The following ZNF343 variants were observed in gnomAD, a reference collection of about 807,000 sequenced individuals.
ZNF343 encodes the protein zinc finger protein 343.
ZNF343 carries 11 observed loss-of-function variants against 13.8 expected under a neutral mutation model. The observed-to-expected ratio is 0.80, with a 90% confidence interval of 0.50 to 1.32. The LOEUF is 1.32. ZNF343 is among the 40% of genes most tolerant of loss of function. ZNF343 has a pLI of 0.00. For synonymous variants in ZNF343, 248 were observed against 260.0 expected (o/e 0.95, Z 0.44); for missense variants, 658 against 714.2 (o/e 0.92, Z 0.90).
chr20:2,523,979 CAAAA>C (rs56321237), intron 1 of ZNF343, among the ~76,000 whole-genome samples: 67 of 104,286 alleles, frequency 6.4e-4, no homozygotes, highest in South Asian at 1.2e-3. Context: ...GACCCCGTCT[CAAAA>C]AAAAAAAAAA....
In ZNF343 at chr20:2,483,292, C is replaced by A; in HGVS notation, c.1669G>T (p.Gly557Cys). 6.2e-7 allele frequency: 1 copy of A among 1,610,898 alleles called. No individual in the cohort carries two copies. The highest frequency in any genetic ancestry group is 8.5e-7 in the Non-Finnish European group (1 of 1,179,140). ...AGGAGGAGTGATTTCCGGCTAAAGCCTCGGCCACACTCACTGCACACGTAA... is the reference window on the plus strand; with the variant it reads ...AGGAGGAGTGATTTCCGGCTAAAGCATCGGCCACACTCACTGCACACGTAA... The part of the protein sequence containing the change: ...KPYVCSECGR[G>C]FSRKSLLLVH... Residue 557 changes from glycine (G) to cysteine (C), a missense_variant, in exon 6 of 6, where the codon GGC (glycine) becomes TGC (cysteine). By Grantham distance (159) the Gly-to-Cys change is radical (BLOSUM62 -3). Coordinates refer to ENST00000278772, the MANE Select transcript of ZNF343 (RefSeq NM_024325.6).
intron 4 of ZNF343, 103 bp downstream of exon 4, chr20:2,493,416 G>T: frequency 9.1e-7 from 1 of 1,104,950 alleles, no homozygotes; most frequent in Non-Finnish European, 1.4e-6. Context: ...CATCTACCCA[G>T]ATGTTGACCG....
At chr20:2,513,066 C>A (rs8119881), upstream of ZNF343, among the ~76,000 whole-genome samples, 852 of 152,202 alleles carry the variant, frequency 5.6e-3, 8 homozygotes, top group African/African-American at 0.02. Context: ...TACCACTGCA[C>A]TCCAGCCTGG....
chr20:2,490,865 A>AT (rs2085356359), intron 5 of ZNF343, among the ~76,000 whole-genome samples: 2 of 152,168 alleles, frequency 1.3e-5, no homozygotes, highest in East Asian at 1.9e-4. Context: ...ATTATAAATC[A>AT]TTTTTTTAAA....
Position 2,493,629 on chromosome 20 carries a change from C to T in ZNF343, c.119-52G>A, listed in dbSNP as rs778096919. On this transcript the variant is annotated intron_variant, in intron 3 of 5. Transcript: ENST00000278772. ...AAACCAGACCCCCCCACCCCCCACC[C>T]CCCACCATGACGCTCCCTGAGCAGC... is the stretch of plus-strand genomic sequence containing the variant. 587 of 946,082 alleles carry T rather than the reference C, an allele frequency of 6.2e-4. 1 individual carries two copies. The highest frequency in any genetic ancestry group is 7.4e-4 in the Non-Finnish European group (491 of 662,760). 58.6% of individuals were successfully genotyped at this position (946,082 alleles called of 1,614,324 possible). A position where few individuals can be genotyped will look rare whatever the true frequency, so the allele number is the denominator to read the frequency against.
intron 1 of ZNF343, among the ~76,000 whole-genome samples, chr20:2,520,220 A>G (rs937811502): frequency 2.0e-5 from 3 of 152,194 alleles, no homozygotes; most frequent in African/African-American, 7.2e-5. Context: ...TGTATTCTAC[A>G]TGCACTTTAT....
At position 2,494,068 on chromosome 20, in the gene ZNF343, C is replaced by T. The variant is rs370443355; in HGVS notation, c.-149-24G>A. The stretch of plus-strand genomic sequence containing the variant: ...ACCTGTGGGATGAAGAAGCAATTTG[C>T]TATTGCTGGGGCTTTTATTGTGGGC... On this transcript the variant is annotated intron_variant, in intron 2 of 5. Transcript: ENST00000278772. The T allele has an allele frequency of 8.1e-5, 49 of 605,960 alleles. No homozygotes were observed. The East Asian group carries it at 8.6e-4, about 11-fold the overall frequency. The allele number at this position is 605,960 out of a possible 1,614,324, so 37.5% of individuals were successfully genotyped here.
rs1474462819 is a variant in ZNF343 at position 2,483,990 on chromosome 20, G to T, written c.971C>A (p.Pro324His). Residue 324 changes from proline to histidine, a missense_variant, in exon 6 of 6, where the codon CCT becomes CAT. Transcript: ENST00000278772. ...RHQRTHSEEK[P>H]YLCRECGQSF... is the part of the protein sequence containing the mutation. ...TTGCCCACACTCCCTGCACAAATAA[G>T]GCTTCTCTTCTGAATGTGTTCTCTG... 1.9e-6 allele frequency: 3 copies of T among 1,614,012 alleles called. No individual in the cohort carries two copies. Among genetic ancestry groups the T allele is most frequent in the African/African-American group, 2.7e-5 (2 of 74,892 alleles).
chr20:2,502,754 G>A (rs1600069989), intron 1 of ZNF343, among the ~76,000 whole-genome samples: 3 of 152,216 alleles, frequency 2.0e-5, no homozygotes, highest in African/African-American at 4.8e-5. Context: ...TTACAGACAA[G>A]CAAATGCTGA....
In ZNF343 at chr20:2,493,817, C is replaced by T. The variant is rs758597355; in HGVS notation, c.79G>A (p.Glu27Lys). Residue 27 changes from glutamate to lysine, a missense_variant, in exon 3 of 6, where the codon GAG (glutamate) becomes AAG (lysine). Physicochemically the swap from Glu to Lys is moderately conservative, Grantham distance 56. Coordinates refer to ENST00000278772, the MANE Select transcript of ZNF343 (RefSeq NM_024325.6). ...ILLPKNGENV[E>K]TMKKLTQNHK... is the part of the protein sequence containing the mutation. ...TTTTGGGTCAATTTCTTCATAGTCT[C>T]TACATTTTCCCCATTCTTTGGAAGC... 8 of 1,613,928 alleles carry T rather than the reference C, an allele frequency of 5.0e-6. No homozygotes were observed. The African/African-American group carries it at 1.1e-4, about 22-fold the overall frequency.
At position 2,484,392 on chromosome 20, in the gene ZNF343, G is replaced by C. The variant is rs1048072476; in HGVS notation, c.569C>G (p.Ser190Ter). The change falls in exon 6 of 6, where the codon TCA (serine) becomes TGA (stop). Residue 190 changes from serine (S) to a stop codon, truncating the protein, a stop_gained. Transcript: ENST00000278772. LOFTEE classifies it low-confidence loss of function (END_TRUNC). ...TTGGAGTGGGCTGGGGAATGCCCTTGAGGTTTCTCTCTCCTCTGTCCTTGC... is the reference window on the plus strand; with the variant it reads ...TTGGAGTGGGCTGGGGAATGCCCTTCAGGTTTCTCTCTCCTCTGTCCTTGC... ...WSARTEERET[S>*]RAFPSPLQRQ... 1.9e-6 allele frequency: 3 copies of C among 1,614,180 alleles called. No individual in the cohort carries two copies. Among genetic ancestry groups the C allele is most frequent in the Admixed American group, 3.3e-5 (2 of 60,028 alleles).
chr20:2,517,997 AT>A (rs1026788039), intron 1 of ZNF343, among the ~76,000 whole-genome samples: 2 of 149,366 alleles, frequency 1.3e-5, no homozygotes, highest in African/African-American at 2.5e-5. Context: ...TCAAAGGTTT[AT>A]TTTTTTTTCC....
chr20:2,516,154 A>G (rs1362739298), intron 1 of ZNF343, among the ~76,000 whole-genome samples: 4 of 152,054 alleles, frequency 2.6e-5, no homozygotes, highest in African/African-American at 9.7e-5. Context: ...TGTTTGGTTC[A>G]GGTCGGAATC....
Position 2,484,314 on chromosome 20 carries a change from C to G in ZNF343, c.647G>C (p.Ser216Thr). The G allele has an allele frequency of 6.2e-7, 1 of 1,614,212 alleles. No individual in the cohort carries two copies. Among genetic ancestry groups the G allele is most frequent in the South Asian group, 1.1e-5 (1 of 91,086 alleles). The change falls in exon 6 of 6, where the codon AGC (serine) becomes ACC (threonine). Residue 216 changes from serine to threonine, a missense_variant. By Grantham distance (58) the Ser-to-Thr change is moderately conservative (BLOSUM62 1). Coordinates refer to ENST00000278772, the MANE Select transcript of ZNF343 (RefSeq NM_024325.6). The part of the protein sequence containing the change: ...KGNMVVETEP[S>T]SAQRPNPVQL... ...CACAGGGTTTGGTCTTTGGGCTGAG[C>G]TGGGCTCTGTTTCTACCACCATGTT... is the stretch of plus-strand genomic sequence containing the variant.
intron 1 of ZNF343, among the ~76,000 whole-genome samples, chr20:2,502,043 G>A (rs1050807529): frequency 6.6e-6 from 1 of 152,114 alleles, no homozygotes; most frequent in Non-Finnish European, 1.5e-5. Flanking sequence ...CGAACCCATG[G>A]CAAAGAAGTT....
At chr20:2,506,199 C>T (rs1286272006) in intron 1 of ZNF343, among the ~76,000 whole-genome samples, 2 of 152,118 alleles carry the variant, frequency 1.3e-5, no homozygotes, top group Non-Finnish European at 2.9e-5. Flanking sequence ...AAAAAATGCC[C>T]ATCATCACTG....
intron 1 of ZNF343, among the ~76,000 whole-genome samples, chr20:2,501,372 C>T (rs973897447): frequency 3.9e-5 from 6 of 152,220 alleles, no homozygotes; most frequent in African/African-American, 7.2e-5. Context: ...CCTCTGTAGA[C>T]TCCACCTCTG....
In ZNF343 at chr20:2,500,332, C is replaced by A. The variant is rs2085538867; in HGVS notation, c.-150+324G>T. On this transcript the variant is annotated intron_variant, in intron 2 of 5. Coordinates refer to ENST00000278772, the MANE Select transcript of ZNF343 (RefSeq NM_024325.6). ...GGAGACTATAAACCCAGTTGCCTGG[C>A]ACAGAACAATGGCCCAATAAATGCT... 3.3e-5 allele frequency among the ~76,000 whole-genome samples: 5 copies of A among 152,304 alleles called. No individual in the cohort carries two copies. The South Asian group carries it at 1.0e-3, about 32-fold the overall frequency.
chr20:2,511,541 A>ATATCCT (rs1181673106), upstream of ZNF343, among the ~76,000 whole-genome samples: 2 of 152,202 alleles, frequency 1.3e-5, no homozygotes, highest in Non-Finnish European at 2.9e-5. Context: ...TGTGACTGTT[A>ATATCCT]TTCATCACGT....
Sources: gnomAD v4.1 joint callset for allele counts (sites outside exome capture counted in the v4.1 genomes callset) on GRCh38, gnomAD v4.1.1 for gene constraint, MANE v1.5 for transcripts, NCBI Gene and HGNC (gene_info 2026-07-23, HGNC 2026-07-21) for gene names.